CCDC125: variants seen among roughly 807,000 people sequenced by gnomAD.
The protein encoded by CCDC125 is coiled-coil domain containing 125.
In CCDC125, 43 loss-of-function variants were observed where a neutral mutation model predicts 57.4. That is an observed-to-expected ratio of 0.75 (90% CI 0.59 to 0.97). The LOEUF (loss-of-function observed/expected upper bound fraction) is 0.97. Among genes scored for constraint, CCDC125 ranks in the 50% least tolerant of loss-of-function variants. The probability of loss-of-function intolerance (pLI) is 0.00; values close to 1 mark genes in which losing one functional copy is unlikely to be tolerated. For synonymous variants in CCDC125, 187 were observed against 195.2 expected, an observed-to-expected ratio of 0.96 and a Z score of 0.35; for missense variants, 563 against 595.7, an observed-to-expected ratio of 0.95 and a Z score of 0.57.
At chr5:69,311,290 G>A in intron 3 of CCDC125, 86 bp from the exon 4 acceptor site, 1 of 729,296 alleles carries the variant, frequency 1.4e-6, no homozygotes, top group South Asian at 1.7e-5. Context: ...ATTTACCCTT[G>A]GCTCAAACCA....
At chr5:69,327,385 C>T (rs1275001547) in intron 1 of CCDC125, among the ~76,000 whole-genome samples, 3 of 152,266 alleles carry the variant, frequency 2.0e-5, no homozygotes, top group Admixed American at 6.5e-5. Flanking sequence ...TGAGCCACCC[C>T]GCCTGGCCTA....
rs139810828 is a variant in CCDC125, at chr5:69,311,145, C to T, written c.426G>A (p.Glu142=). 1.2e-6 allele frequency: 2 copies of T among 1,610,868 alleles called. No homozygotes were observed. Among genetic ancestry groups the T allele is most frequent in the South Asian group, 2.2e-5 (2 of 90,704 alleles). The change falls in exon 4 of 12, where the codon GAG becomes GAA. Residue 142 remains glutamate, a synonymous_variant. Transcript: ENST00000396496. ...EASQRQLRGK[E]EALKILQSMA... ...TGCTTTGAAGAATTTTCAATGCTTC[C>T]TCTTTACCTCTGAGTTGTCTTTGAG...
chr5:69,288,731 T>A (rs1184937602), intron 10 of CCDC125, among the ~76,000 whole-genome samples: 1 of 152,218 alleles, frequency 6.6e-6, no homozygotes. Context: ...GACAACTCTG[T>A]GCTTTTGACT....
chr5:69,306,916 A>G lies in CCDC125; in HGVS notation c.532-14T>C, dbSNP rs758042975. On this transcript the variant is annotated splice_polypyrimidine_tract_variant and intron_variant, in intron 5 of 11. Coordinates refer to ENST00000396496, the MANE Select transcript of CCDC125 (RefSeq NM_176816.5). ...GGCATTTATTTCCTATGGAAAGAAA[A>G]TAGTACCTTCATGGCAAATTACTAC... The G allele has an allele frequency of 6.7e-7, 1 of 1,490,410 alleles. No individual in the cohort carries two copies. Among genetic ancestry groups the G allele is most frequent in the Non-Finnish European group, 8.9e-7 (1 of 1,123,710 alleles). The allele number at this position is 1,490,410 out of a possible 1,614,324, so 92.3% of individuals were successfully genotyped here.
chr5:69,317,488 C>G (rs1002294789), intron 2 of CCDC125, among the ~76,000 whole-genome samples: 25 of 151,416 alleles, frequency 1.7e-4, no homozygotes, highest in Admixed American at 2.0e-4. Flanking sequence ...CCACGAGCTA[C>G]CACGTATTTT....
Position 69,311,156 on chromosome 5 carries a change from T to C in CCDC125, c.415A>G (p.Arg139Gly). ...ATTTTCAATGCTTCCTCTTTACCTC[T>C]GAGTTGTCTTTGAGATGCCTCAAGT... ...TELEASQRQL[R>G]GKEEALKILQ... The change falls in exon 4 of 12, where the codon AGA becomes GGA. Residue 139 changes from arginine to glycine, a missense_variant. Transcript: ENST00000396496. The C allele has an allele frequency of 6.2e-7, 1 of 1,610,934 alleles. No individual in the cohort carries two copies. Among genetic ancestry groups the C allele is most frequent in the Non-Finnish European group, 8.5e-7 (1 of 1,177,668 alleles).
intron 2 of CCDC125, among the ~76,000 whole-genome samples, chr5:69,318,380 G>A (rs985938449): frequency 2.0e-5 from 3 of 152,022 alleles, no homozygotes; most frequent in African/African-American, 7.2e-5. Flanking sequence ...CCAGGACTTT[G>A]AGGTTGCAGT....
chr5:69,274,329 G>C, the CCDC125 span, among the ~76,000 whole-genome samples: 1 of 152,166 alleles, frequency 6.6e-6, no homozygotes, highest in Non-Finnish European at 1.5e-5. Flanking sequence ...TGATTTAGAA[G>C]TAATGCTTTA....
chr5:69,298,314 CCT>C (rs1170089961), intron 8 of CCDC125, among the ~76,000 whole-genome samples: 10 of 152,142 alleles, frequency 6.6e-5, no homozygotes, highest in African/African-American at 2.4e-4. Flanking sequence ...GCGCCCGGCC[CCT>C]GTTGCTGTAC....
intron 1 of CCDC125, among the ~76,000 whole-genome samples, chr5:69,331,301 C>T (rs928277650): frequency 1.3e-5 from 2 of 151,914 alleles, no homozygotes; most frequent in African/African-American, 4.8e-5. Context: ...GGTGCGATCT[C>T]GGCTCACTGC....
chr5:69,327,745 T>C (rs1280959488), intron 1 of CCDC125, among the ~76,000 whole-genome samples: 1 of 152,238 alleles, frequency 6.6e-6, no homozygotes, highest in Non-Finnish European at 1.5e-5. Flanking sequence ...TGAAATCAAC[T>C]ATGGTAGCCA....
At chr5:69,292,831 TTTCTTC>T (rs1288056647) in intron 9 of CCDC125, among the ~76,000 whole-genome samples, 2 of 151,968 alleles carry the variant, frequency 1.3e-5, no homozygotes, top group African/African-American at 4.8e-5. Context: ...CTTCTATTTT[TTTCTTC>T]TTCTTCTTTT....
At chr5:69,322,058 C>T (rs1207335799) in intron 1 of CCDC125, among the ~76,000 whole-genome samples, 2 of 151,972 alleles carry the variant, frequency 1.3e-5, no homozygotes, top group Non-Finnish European at 2.9e-5. Context: ...TCAAGCTGGT[C>T]TCGAACTCCT....
intron 8 of CCDC125, among the ~76,000 whole-genome samples, chr5:69,298,594 C>T (rs1317549842): frequency 6.6e-6 from 1 of 152,112 alleles, no homozygotes; most frequent in Admixed American, 6.6e-5. Context: ...CTGGGAAGGG[C>T]CAATATCAAT....
intron 3 of CCDC125, among the ~76,000 whole-genome samples, chr5:69,313,118 G>A (rs1758431671): frequency 6.6e-6 from 1 of 152,126 alleles, no homozygotes; most frequent in Non-Finnish European, 1.5e-5. Flanking sequence ...GTGCCTGGGG[G>A]GAACTTGGTC....
rs1231309718 is a variant in CCDC125, at chr5:69,282,685, C to A, written c.*44G>T. On this transcript the variant is annotated 3_prime_UTR_variant, in exon 12 of 12. Coordinates refer to ENST00000396496, the MANE Select transcript of CCDC125 (RefSeq NM_176816.5). Reference sequence around the variant, plus strand: ...TTTACAAAATCATTTTTCAAAGTATCTCGATATAAACAACTCTCAGTTCCA... The same window carrying A: ...TTTACAAAATCATTTTTCAAAGTATATCGATATAAACAACTCTCAGTTCCA... 11 of 1,441,054 alleles carry A rather than the reference C, an allele frequency of 7.6e-6. No individual in the cohort carries two copies. Among genetic ancestry groups the A allele is most frequent in the African/African-American group, 2.9e-5 (2 of 69,668 alleles). 89.3% of individuals were successfully genotyped at this position (1,441,054 alleles called of 1,614,324 possible).
chr5:69,295,246 T>C (rs1755121838), intron 8 of CCDC125, among the ~76,000 whole-genome samples: 1 of 152,190 alleles, frequency 6.6e-6, no homozygotes, highest in African/African-American at 2.4e-5. Flanking sequence ...AACGCTAACA[T>C]CCACAGCATA....
chr5:69,286,994 T>TAAAAAA (rs33957725), intron 10 of CCDC125, among the ~76,000 whole-genome samples: 1 of 112,758 alleles, frequency 8.9e-6, no homozygotes, highest in African/African-American at 3.6e-5. Context: ...GAGTTTAAGA[T>TAAAAAA]AAAAAAAAAA....
rs1300464745 is a variant in CCDC125 at position 69,326,995 on chromosome 5, G to A, written c.-41+5654C>T. Among the ~76,000 whole-genome samples the A allele has an allele frequency of 2.6e-5, 4 of 151,992 alleles. No individual in the cohort carries two copies. In the East Asian group the frequency reaches 5.8e-4, roughly 22 times the overall value. On this transcript the variant is annotated intron_variant, in intron 1 of 11. Transcript: ENST00000396496. ...CAAGGCTGCAGTGAGCTGTGATCAC[G>A]CCACTGCACTCTAGTCTGGTCAACA...
Sources: allele counts gnomAD v4.1 joint callset (sites outside exome capture counted in the v4.1 genomes callset), GRCh38; gene constraint gnomAD v4.1.1; transcripts MANE v1.5; gene names NCBI Gene and HGNC (gene_info 2026-07-23, HGNC 2026-07-21).